Variants in HDAC9 observed in about 807,000 individuals in gnomAD.
HDAC9 encodes MEF-2 interacting transcription repressor (MITR) protein.
In HDAC9, 41 loss-of-function variants were observed where a neutral mutation model predicts 139.4. That is an observed-to-expected ratio of 0.29 (90% confidence interval 0.23 to 0.38). The LOEUF (loss-of-function observed/expected upper bound fraction) is 0.38, where lower values mean the gene tolerates loss of function less well. Among genes scored for constraint, HDAC9 ranks in the 10% least tolerant of loss-of-function variants. The pLI is 1.00. For missense variants in HDAC9, 1,147 were observed against 1,297.0 expected (o/e 0.88, Z 1.78); for synonymous variants, 517 against 476.2 (o/e 1.09, Z -1.12).
At chr7:18,714,834 G>T (rs1784587414) in intron 12 of HDAC9, among the ~76,000 whole-genome samples, 1 of 152,172 alleles carries the variant, frequency 6.6e-6, no homozygotes, top group African/African-American at 2.4e-5. Flanking sequence ...GACTGGATCT[G>T]TTGAGTCCAC....
At chr7:18,580,596 T>G (rs1214305168) in intron 2 of HDAC9, among the ~76,000 whole-genome samples, 1 of 152,180 alleles carries the variant, frequency 6.6e-6, no homozygotes, top group Non-Finnish European at 1.5e-5. Context: ...AAAAACATGT[T>G]TTATTTACAA....
intron 12 of HDAC9, among the ~76,000 whole-genome samples, chr7:18,705,161 T>C (rs1311508280): frequency 6.6e-6 from 1 of 152,200 alleles, no homozygotes; most frequent in African/African-American, 2.4e-5. Flanking sequence ...GTGTTGTGCA[T>C]CTATCAACAG....
chr7:18,495,756 G>A lies in HDAC9; in HGVS notation c.-309G>A. The A allele has an allele frequency of 1.0e-6, 1 of 991,378 alleles. No homozygotes were observed. The highest frequency in any genetic ancestry group is 1.7e-5 in the African/African-American group (1 of 57,558). The allele number at this position is 991,378 out of a possible 1,614,324, so 61.4% of individuals were successfully genotyped here. ...GAGAGACTGAGAAAGGGGGAAGAGA[G>A]GCACAGACACAGATAGGAGAAGGGC... On this transcript the variant is annotated 5_prime_UTR_variant, in exon 1 of 26. Coordinates refer to ENST00000686413, the MANE Select transcript of HDAC9 (RefSeq NM_178425.4).
intron 1 of HDAC9, among the ~76,000 whole-genome samples, chr7:18,327,040 C>T (rs975733317): frequency 6.6e-6 from 1 of 151,820 alleles, no homozygotes; most frequent in African/African-American, 2.4e-5. Flanking sequence ...GCTGATGACC[C>T]ATTAATGTCC....
chr7:18,893,371 G>A (rs1384316672), intron 22 of HDAC9, among the ~76,000 whole-genome samples: 1 of 152,052 alleles, frequency 6.6e-6, no homozygotes, highest in East Asian at 1.9e-4. Context: ...TATTCAACCA[G>A]AGAAATAAAA....
intron 1 of HDAC9, among the ~76,000 whole-genome samples, chr7:18,340,351 T>C (rs1476699965): frequency 1.3e-5 from 2 of 151,572 alleles, no homozygotes; most frequent in Non-Finnish European, 3.0e-5. Flanking sequence ...GTTTAGACCA[T>C]ATACCTTTAG....
At chr7:18,683,316 C>G (rs1204360705) in intron 12 of HDAC9, among the ~76,000 whole-genome samples, 1 of 152,010 alleles carries the variant, frequency 6.6e-6, no homozygotes, top group Admixed American at 6.6e-5. Flanking sequence ...GTCGTTTGTG[C>G]CACTATGGTC....
At chr7:18,548,939 T>C (rs1387368969) in intron 2 of HDAC9, among the ~76,000 whole-genome samples, 1 of 152,206 alleles carries the variant, frequency 6.6e-6, no homozygotes, top group Admixed American at 6.5e-5. Flanking sequence ...TGGCTGATTC[T>C]TTAAAGATAT....
rs553104648 is a variant in HDAC9 at position 18,122,970 on chromosome 7, A to G, written c.-97+35757A>G. ...GGGTTTTTTTCTTTATTTGAGGGCA[A>G]ATAATTCATATACTTATTCAAATTA... On this transcript the variant is annotated intron_variant, in intron 1 of 12. Coordinates refer to the HDAC9 transcript ENST00000417496. Among the ~76,000 whole-genome samples the G allele has an allele frequency of 7.2e-5, 11 of 152,296 alleles. No homozygotes were observed. In the East Asian group the frequency reaches 2.1e-3, roughly 29 times the overall value.
At chr7:18,288,789 A>G (rs1797617283), upstream of HDAC9, among the ~76,000 whole-genome samples, 1 of 152,158 alleles carries the variant, frequency 6.6e-6, no homozygotes, top group South Asian at 2.1e-4. Flanking sequence ...GAAAGACATT[A>G]CATAGAAATA....
chr7:18,688,613 CT>C (rs1782447937), intron 12 of HDAC9, among the ~76,000 whole-genome samples: 1 of 151,788 alleles, frequency 6.6e-6, no homozygotes, highest in Non-Finnish European at 1.5e-5. Context: ...CTGTTTACTT[CT>C]TTGTAAACCT....
In HDAC9 at chr7:18,805,949, G is replaced by A. The variant is rs189739187; in HGVS notation, c.2322+12497G>A. ...TAGCCTCCTCTCCCCAACACACAGA[G>A]ATGTACACATCACATTTGCCCACTG... On this transcript the variant is annotated intron_variant, in intron 17 of 25. Transcript: ENST00000686413. Among the ~76,000 whole-genome samples, 154 of 152,302 alleles carry A rather than the reference G, an allele frequency of 1.0e-3. 1 individual carries two copies. The highest frequency in any genetic ancestry group is 1.1e-3 in the Non-Finnish European group (77 of 68,022).
intron 1 of HDAC9, among the ~76,000 whole-genome samples, chr7:18,419,024 C>T (rs1339965149): frequency 6.6e-6 from 1 of 152,182 alleles, no homozygotes; most frequent in African/African-American, 2.4e-5. Context: ...TGGCACATGT[C>T]TGAATGGCTA....
chr7:18,739,411 G>T (rs557958823), intron 13 of HDAC9, among the ~76,000 whole-genome samples: 6 of 152,290 alleles, frequency 3.9e-5, no homozygotes, highest in African/African-American at 1.2e-4. Flanking sequence ...ATCTACCTTT[G>T]GTCTTTGATG....
At chr7:18,923,141 T>C (rs759622454) in intron 22 of HDAC9, among the ~76,000 whole-genome samples, 2 of 152,134 alleles carry the variant, frequency 1.3e-5, no homozygotes, top group Non-Finnish European at 2.9e-5. Context: ...ATAATACTTG[T>C]GATTGGGATA....
chr7:18,333,562 G>A (rs188449594), intron 1 of HDAC9, among the ~76,000 whole-genome samples: 6 of 151,484 alleles, frequency 4.0e-5, no homozygotes, highest in Non-Finnish European at 7.4e-5. Flanking sequence ...TGCAATCATA[G>A]GTTATTTAGA....
chr7:18,120,043 C>A (rs1451078726), intron 1 of HDAC9, among the ~76,000 whole-genome samples: 1 of 152,146 alleles, frequency 6.6e-6, no homozygotes, highest in Admixed American at 6.5e-5. Context: ...ATCTGGAAAT[C>A]AGTGTCTAAT....
At chr7:18,138,018 C>A (rs1785564093) in intron 1 of HDAC9, among the ~76,000 whole-genome samples, 1 of 152,020 alleles carries the variant, frequency 6.6e-6, no homozygotes, top group East Asian at 1.9e-4. Flanking sequence ...TCAACTTCTT[C>A]CTGGTTTAGT....
chr7:18,795,930 G>A (rs1344989851), intron 17 of HDAC9, among the ~76,000 whole-genome samples: 1 of 152,162 alleles, frequency 6.6e-6, no homozygotes, highest in African/African-American at 2.4e-5. Flanking sequence ...GAAGAAAATA[G>A]GGAAGCTTAT....
Sources: gnomAD v4.1 joint callset for allele counts (sites outside exome capture counted in the v4.1 genomes callset) on GRCh38, gnomAD v4.1.1 for gene constraint, MANE v1.5 for transcripts, NCBI Gene and HGNC (gene_info 2026-07-23, HGNC 2026-07-21) for gene names.